KCNG3: variants seen among roughly 807,000 people sequenced by gnomAD.
KCNG3 encodes the protein voltage-gated potassium channel regulatory subunit KCNG3.
A neutral mutation model predicts 29.0 loss-of-function variants in KCNG3; 15 were observed. The observed-to-expected ratio is 0.52, with a 90% confidence interval of 0.35 to 0.80. The LOEUF is 0.80. Among genes scored for constraint, KCNG3 ranks in the 30% least tolerant of loss-of-function variants. The probability of loss-of-function intolerance (pLI) is 0.01; values close to 1 mark genes in which losing one functional copy is unlikely to be tolerated. For synonymous variants in KCNG3, 322 were observed against 248.9 expected, an observed-to-expected ratio of 1.29 and a Z score of -2.76; for missense variants, 512 against 605.7, an observed-to-expected ratio of 0.85 and a Z score of 1.62.
intron 1 of KCNG3, among the ~76,000 whole-genome samples, chr2:42,457,668 C>CACAA (rs1553327831): frequency 1.3e-5 from 2 of 149,602 alleles, no homozygotes; most frequent in Admixed American, 6.6e-5. Context: ...CACACACACA[C>CACAA]AAGGCTGGGC....
At chr2:42,452,243 A>ATATATATATATATATATATATTTTTT in intron 1 of KCNG3, among the ~76,000 whole-genome samples, 14 of 95,046 alleles carry the variant, frequency 1.5e-4, no homozygotes, top group African/African-American at 5.5e-4. Flanking sequence ...ATATATATAT[A>ATATATATATATATATATATATTTTTT]TTTTTTTTTT....
intron 1 of KCNG3, among the ~76,000 whole-genome samples, chr2:42,461,880 T>C (rs1479858808): frequency 1.3e-5 from 2 of 152,224 alleles, no homozygotes; most frequent in Non-Finnish European, 2.9e-5. Flanking sequence ...ACAATTCTTT[T>C]CTTTAATAGT....
chr2:42,395,427 C>T, the KCNG3 span, among the ~76,000 whole-genome samples: 2 of 152,282 alleles, frequency 1.3e-5, no homozygotes, highest in African/African-American at 4.8e-5. Context: ...TGGGGCCAGG[C>T]GCGGTGGCTC....
At chr2:42,396,229 A>C in the KCNG3 span, among the ~76,000 whole-genome samples, 1 of 152,212 alleles carries the variant, frequency 6.6e-6, no homozygotes, top group African/African-American at 2.4e-5. Flanking sequence ...AAAAATCATT[A>C]AGTTGAACCA....
At chr2:42,467,807 C>CA (rs1203140255) in intron 1 of KCNG3, among the ~76,000 whole-genome samples, 1 of 151,702 alleles carries the variant, frequency 6.6e-6, no homozygotes, top group Admixed American at 6.6e-5. Flanking sequence ...CTTGTCTCTA[C>CA]AAAAAATACA....
chr2:42,452,153 G>C (rs1437758011), intron 1 of KCNG3, among the ~76,000 whole-genome samples: 2 of 148,226 alleles, frequency 1.3e-5, no homozygotes, highest in African/African-American at 2.5e-5. Context: ...ATATTTATGG[G>C]TTACATAAGA....
the KCNG3 span, among the ~76,000 whole-genome samples, chr2:42,389,358 C>T: frequency 2.6e-5 from 4 of 152,162 alleles, no homozygotes; most frequent in Non-Finnish European, 4.4e-5. Context: ...TTCCTATGGT[C>T]CCTAAATTTG....
the KCNG3 span, among the ~76,000 whole-genome samples, chr2:42,426,173 T>G: frequency 6.6e-6 from 1 of 152,174 alleles, no homozygotes; most frequent in Non-Finnish European, 1.5e-5. Context: ...CTATTAAAGA[T>G]CTGACAAATA....
the KCNG3 span, among the ~76,000 whole-genome samples, chr2:42,396,703 T>C: frequency 1.3e-5 from 2 of 152,134 alleles, no homozygotes; most frequent in African/African-American, 4.8e-5. Flanking sequence ...CAGATTGAAG[T>C]TGGGGGTCAC....
the KCNG3 span, among the ~76,000 whole-genome samples, chr2:42,401,523 C>T: frequency 6.6e-6 from 1 of 151,984 alleles, no homozygotes; most frequent in Admixed American, 6.6e-5. Context: ...CTCACTGCAG[C>T]CTCAACCTCC....
chr2:42,481,313 C>A (rs1406530636), intron 1 of KCNG3, among the ~76,000 whole-genome samples: 1 of 152,124 alleles, frequency 6.6e-6, no homozygotes, highest in Non-Finnish European at 1.5e-5. Flanking sequence ...CAGCCTGGAT[C>A]AACAGGACCT....
At chr2:42,483,120 C>G (rs1452015460) in intron 1 of KCNG3, among the ~76,000 whole-genome samples, 1 of 151,494 alleles carries the variant, frequency 6.6e-6, no homozygotes, top group East Asian at 1.9e-4. Context: ...GACCCTGTCT[C>G]AAAAAAATAA....
chr2:42,397,052 T>A, the KCNG3 span, among the ~76,000 whole-genome samples: 16 of 151,920 alleles, frequency 1.1e-4, no homozygotes, highest in Admixed American at 2.6e-4. Flanking sequence ...TGAGACCAGC[T>A]TGGCCAACAT....
At chr2:42,419,275 G>A in the KCNG3 span, among the ~76,000 whole-genome samples, 2 of 110,894 alleles carry the variant, frequency 1.8e-5, no homozygotes, top group Admixed American at 1.3e-4. Context: ...TCACTCTGTG[G>A]CACCCAGGCT....
the KCNG3 span, among the ~76,000 whole-genome samples, chr2:42,428,224 C>A: frequency 1.3e-5 from 2 of 151,380 alleles, no homozygotes; most frequent in African/African-American, 4.9e-5. Flanking sequence ...CTTTGGGAGG[C>A]CGAGGCAGGT....
chr2:42,433,664 G>A, the KCNG3 span, among the ~76,000 whole-genome samples: 17 of 152,228 alleles, frequency 1.1e-4, no homozygotes, highest in African/African-American at 3.6e-4. Flanking sequence ...GCTTGAACCC[G>A]AGAGGTGGGG....
chr2:42,484,386 A>C (rs1673668002), intron 1 of KCNG3, among the ~76,000 whole-genome samples: 1 of 152,156 alleles, frequency 6.6e-6, no homozygotes, highest in Non-Finnish European at 1.5e-5. Flanking sequence ...TGCTTGAACC[A>C]GGGAGGCGGA....
intron 1 of KCNG3, among the ~76,000 whole-genome samples, chr2:42,458,786 C>T (rs1672942388): frequency 1.7e-5 from 2 of 118,130 alleles, no homozygotes; most frequent in Admixed American, 2.1e-4. Flanking sequence ...CATAGGAGAC[C>T]CCATTACTTA....
the KCNG3 span, among the ~76,000 whole-genome samples, chr2:42,425,398 C>CAA: frequency 0.02 from 1,660 of 82,210 alleles, 34 homozygotes; most frequent in African/African-American, 0.027. Context: ...GACTCCGTCT[C>CAA]AAAAAAAAAA....
Sources: gnomAD v4.1 joint callset for allele counts (sites outside exome capture counted in the v4.1 genomes callset) on GRCh38, gnomAD v4.1.1 for gene constraint, MANE v1.5 for transcripts, NCBI Gene and HGNC (gene_info 2026-07-23, HGNC 2026-07-21) for gene names.